MYRIP: variants seen among roughly 807,000 people sequenced by gnomAD.
MYRIP encodes the protein myosin VIIA and Rab interacting protein.
MYRIP carries 49 observed loss-of-function variants against 98.0 expected under a neutral mutation model. The ratio of observed to expected loss-of-function variants is 0.50; its 90% CI spans 0.40 to 0.63. The LOEUF (loss-of-function observed/expected upper bound fraction) is 0.63. Among genes scored for constraint, MYRIP ranks in the 30% least tolerant of loss-of-function variants. The pLI is 0.00. For synonymous variants in MYRIP, 404 were observed against 409.5 expected (o/e 0.99, Z 0.16); for missense variants, 1,004 against 1,058.2 (o/e 0.95, Z 0.71).
chr3:40,021,542 A>G (rs868329354), intron 2 of MYRIP, among the ~76,000 whole-genome samples: 2 of 152,230 alleles, frequency 1.3e-5, no homozygotes, highest in Admixed American at 1.3e-4. Context: ...GAACATTTCT[A>G]TCTTGTTTAC....
chr3:40,250,197 A>G (rs1953329309), intron 13 of MYRIP, 25 bp from the exon 14 acceptor site: 1 of 1,558,828 alleles, frequency 6.4e-7, no homozygotes. Context: ...TCTCCCTGCC[A>G]ATCTTGTCTT....
chr3:40,094,654 C>T (rs1466005421), intron 3 of MYRIP, among the ~76,000 whole-genome samples: 1 of 152,136 alleles, frequency 6.6e-6, no homozygotes, highest in Non-Finnish European at 1.5e-5. Flanking sequence ...TTTGGGAATC[C>T]CATTCCCCTC....
intron 2 of MYRIP, among the ~76,000 whole-genome samples, chr3:39,953,137 C>T (rs915529510): frequency 6.6e-6 from 1 of 152,118 alleles, no homozygotes; most frequent in Non-Finnish European, 1.5e-5. Context: ...GCAAAAACTG[C>T]AGGTTTTCAT....
intron 1 of MYRIP, among the ~76,000 whole-genome samples, chr3:39,890,199 C>T (rs1403230286): frequency 1.3e-5 from 2 of 151,702 alleles, no homozygotes; most frequent in Non-Finnish European, 2.9e-5. Context: ...CCTTTGGCTC[C>T]TTTCCTCTTG....
chr3:39,967,564 T>C (rs2125740078), intron 2 of MYRIP, among the ~76,000 whole-genome samples: 1 of 152,294 alleles, frequency 6.6e-6, no homozygotes, highest in Admixed American at 6.5e-5. Flanking sequence ...TATGTCTTTA[T>C]GGTAGATGAT....
chr3:40,246,760 C>G (rs1953220192), intron 13 of MYRIP, among the ~76,000 whole-genome samples: 2 of 152,300 alleles, frequency 1.3e-5, no homozygotes, highest in South Asian at 4.1e-4. Flanking sequence ...GACAATGACA[C>G]TCTCAGGTGG....
intron 1 of MYRIP, among the ~76,000 whole-genome samples, chr3:39,850,698 A>AT (rs1010499571): frequency 2.0e-5 from 3 of 152,168 alleles, no homozygotes; most frequent in South Asian, 2.1e-4. Context: ...TTTAATGCAT[A>AT]TTTTTTTCAT....
intron 13 of MYRIP, among the ~76,000 whole-genome samples, chr3:40,245,950 G>A (rs1379977507): frequency 2.9e-5 from 4 of 137,876 alleles, no homozygotes; most frequent in East Asian, 2.2e-4. Context: ...TAGTAGAGAC[G>A]GGGGTTTCAC....
At chr3:40,231,088 G>A (rs940143594) in intron 11 of MYRIP, among the ~76,000 whole-genome samples, 5 of 152,172 alleles carry the variant, frequency 3.3e-5, no homozygotes, top group African/African-American at 1.2e-4. Context: ...GCCTCCCAAA[G>A]TGCTGGGATT....
rs548570220 is a variant in MYRIP, at chr3:39,999,681, T to C, written c.111-44369T>C. Among the ~76,000 whole-genome samples, 3 of 152,290 alleles carry C rather than the reference T, an allele frequency of 2.0e-5. No individual in the cohort carries two copies. The East Asian group carries it at 5.8e-4, about 29-fold the overall frequency. On this transcript the variant is annotated intron_variant, in intron 2 of 16. Transcript: ENST00000302541. ...CCCAGCAATCCCATTACTGGGTATA[T>C]ACCTAAAGGATTATAAAACATGCTG...
At chr3:39,913,018 T>G (rs534939528) in intron 2 of MYRIP, among the ~76,000 whole-genome samples, 1 of 150,498 alleles carries the variant, frequency 6.6e-6, no homozygotes, top group East Asian at 2.0e-4. Flanking sequence ...CCAGCCTGGG[T>G]GACAGAGCAA....
chr3:40,024,920 A>G (rs1374517328), intron 2 of MYRIP, among the ~76,000 whole-genome samples: 1 of 152,170 alleles, frequency 6.6e-6, no homozygotes, highest in Non-Finnish European at 1.5e-5. Context: ...TTTATGGGGC[A>G]GCTTTTACTT....
intron 2 of MYRIP, among the ~76,000 whole-genome samples, chr3:39,973,119 G>A (rs1053717758): frequency 2.0e-5 from 3 of 152,050 alleles, no homozygotes; most frequent in African/African-American, 7.2e-5. Flanking sequence ...ATTGGATAAA[G>A]AGTCAAGACC....
At chr3:39,881,835 C>G (rs1183702898) in intron 1 of MYRIP, among the ~76,000 whole-genome samples, 1 of 152,032 alleles carries the variant, frequency 6.6e-6, no homozygotes, top group Non-Finnish European at 1.5e-5. Flanking sequence ...TATACCAAGT[C>G]AGTTTTCCTT....
intron 1 of MYRIP, among the ~76,000 whole-genome samples, chr3:39,873,039 G>A (rs549812818): frequency 1.1e-4 from 17 of 152,320 alleles, no homozygotes; most frequent in Admixed American, 3.9e-4. Flanking sequence ...CCTAACTGGT[G>A]TGAGATGATA....
chr3:40,124,517 A>G (rs1949479103), intron 3 of MYRIP, among the ~76,000 whole-genome samples: 1 of 152,192 alleles, frequency 6.6e-6, no homozygotes. Context: ...CCAGTTCAGC[A>G]GTGACTGGAA....
At chr3:39,905,782 C>T (rs1943865068) in intron 2 of MYRIP, among the ~76,000 whole-genome samples, 1 of 152,186 alleles carries the variant, frequency 6.6e-6, no homozygotes, top group Non-Finnish European at 1.5e-5. Context: ...GCTACCTCTC[C>T]ATCTTTTTCA....
intron 1 of MYRIP, among the ~76,000 whole-genome samples, chr3:39,891,599 C>A (rs1051108513): frequency 6.6e-6 from 1 of 151,988 alleles, no homozygotes; most frequent in Non-Finnish European, 1.5e-5. Context: ...ATTGCTGGAT[C>A]AATGGTATTT....
intron 8 of MYRIP, 119 bp from the exon 9 acceptor site, chr3:40,182,101 C>A: frequency 9.1e-7 from 1 of 1,101,402 alleles, no homozygotes; most frequent in Non-Finnish European, 1.3e-6. Flanking sequence ...GTGAAAAGAG[C>A]CATTACCATT....
Sources: gnomAD v4.1 joint callset for allele counts (sites outside exome capture counted in the v4.1 genomes callset) on GRCh38, gnomAD v4.1.1 for gene constraint, MANE v1.5 for transcripts, NCBI Gene and HGNC (gene_info 2026-07-23, HGNC 2026-07-21) for gene names.